SENP2: variants seen among roughly 807,000 people sequenced by gnomAD.
The protein encoded by SENP2 is sentrin-specific protease 2.
SENP2 carries 16 observed loss-of-function variants against 86.3 expected under a neutral mutation model. The ratio of observed to expected loss-of-function variants is 0.19; its 90% CI spans 0.13 to 0.28. The LOEUF is 0.28. SENP2 is among the 10% of genes least tolerant of loss of function. SENP2 has a pLI of 1.00. For synonymous variants in SENP2, 222 were observed against 238.7 expected (o/e 0.93, Z 0.64); for missense variants, 552 against 703.0 (o/e 0.79, Z 2.43).
At chr3:185,606,847 G>C in intron 6 of SENP2, 1 of 494,552 alleles carries the variant, frequency 2.0e-6, no homozygotes, top group East Asian at 5.2e-5. Flanking sequence ...AAGTATTGAA[G>C]GCACAGACAC....
At chr3:185,596,645 T>G (rs1006513283) in intron 2 of SENP2, among the ~76,000 whole-genome samples, 1 of 152,004 alleles carries the variant, frequency 6.6e-6, no homozygotes, top group African/African-American at 2.4e-5. Flanking sequence ...AGCTGCATAT[T>G]TTATACTTTA....
In SENP2 at chr3:185,631,800, T is replaced by C. The variant is rs549628740; in HGVS notation, c.*1956T>C. Reference sequence around the variant, plus strand: ...GGTACCATGGTTAAGATCGAGTCCATGCTAGGTAAGTCCTGTTAGGAATGT... The same window carrying C: ...GGTACCATGGTTAAGATCGAGTCCACGCTAGGTAAGTCCTGTTAGGAATGT... On this transcript the variant is annotated 3_prime_UTR_variant, in exon 17 of 17. Coordinates refer to ENST00000296257, the MANE Select transcript of SENP2 (RefSeq NM_021627.3). 1 of 149,534 alleles carries C rather than the reference T, an allele frequency of 6.7e-6. No individual in the cohort carries two copies. Among genetic ancestry groups the C allele is most frequent in the Admixed American group, 6.7e-5 (1 of 14,864 alleles). The allele number at this position is 149,534 out of a possible 1,614,324, so 9.3% of individuals were successfully genotyped here. A position where few individuals can be genotyped will look rare whatever the true frequency, so the allele number is the denominator to read the frequency against.
Position 185,630,415 on chromosome 3 carries a change from TTTTG to T in SENP2, c.*575_*578del, listed in dbSNP as rs1249554349. The stretch of plus-strand genomic sequence containing the variant: ...ATGAAGCTGGAGGGTTTGGGATTTT[TTTTG>T]TTTTTGTTTTTTTGAGGCTCAAAAA... On this transcript the variant is annotated 3_prime_UTR_variant, in exon 17 of 17. Coordinates refer to ENST00000296257, the MANE Select transcript of SENP2 (RefSeq NM_021627.3). 2 of 152,992 alleles carry T rather than the reference TTTTG, an allele frequency of 1.3e-5. No individual in the cohort carries two copies. The highest frequency in any genetic ancestry group is 2.9e-5 in the Non-Finnish European group (2 of 68,508). The allele number at this position is 152,992 out of a possible 1,614,324, so 9.5% of individuals were successfully genotyped here. A position where few individuals can be genotyped will look rare whatever the true frequency, so the allele number is the denominator to read the frequency against.
At chr3:185,602,930 T>G (rs1489711231) in intron 5 of SENP2, among the ~76,000 whole-genome samples, 15 of 109,262 alleles carry the variant, frequency 1.4e-4, no homozygotes, top group African/African-American at 4.2e-4. Context: ...TTTTTTTTTT[T>G]GGGATGGAGT....
chr3:185,626,456 G>A, intron 16 of SENP2, 63 bp downstream of exon 16: 1 of 1,102,248 alleles, frequency 9.1e-7, no homozygotes, highest in East Asian at 2.4e-5. Flanking sequence ...CTTGGCCAGT[G>A]CCTGGCACAC....
intron 16 of SENP2, among the ~76,000 whole-genome samples, chr3:185,627,083 CAAAAA>C (rs34406883): frequency 2.0e-4 from 15 of 75,546 alleles, no homozygotes; most frequent in African/African-American, 6.2e-4. Flanking sequence ...AACCCTGTCT[CAAAAA>C]AAAAAAAAAA....
chr3:185,624,440 C>A (rs575293308), intron 15 of SENP2, among the ~76,000 whole-genome samples: 4 of 152,134 alleles, frequency 2.6e-5, no homozygotes, highest in South Asian at 2.1e-4. Context: ...ATGTCTCTCA[C>A]AGAATTGGGA....
chr3:185,615,216 C>T (rs1711552509), intron 11 of SENP2, among the ~76,000 whole-genome samples: 1 of 152,118 alleles, frequency 6.6e-6, no homozygotes, highest in Non-Finnish European at 1.5e-5. Context: ...TCTTGGCTTC[C>T]TCCACAATGT....
chr3:185,613,055 T>A (rs1021352612), intron 9 of SENP2, among the ~76,000 whole-genome samples: 1 of 152,248 alleles, frequency 6.6e-6, no homozygotes, highest in Non-Finnish European at 1.5e-5. Context: ...ACTTGCCTAT[T>A]TTTGTATAGT....
In SENP2 at chr3:185,600,845, C is replaced by T. The variant is rs1486026467; in HGVS notation, c.439C>T (p.Pro147Ser). ...CCGAGATCAGCCACGCAGAGTCCTG[C>T]CTTCCTTTGGGTAAGTGTTAAATTC... Reference protein sequence around the residue: ...VTRDQPRRVLPSFGFTLNSEG... With the variant: ...VTRDQPRRVLSSFGFTLNSEG... Residue 147 changes from proline to serine, a missense_variant, in exon 5 of 17, where the codon CCT becomes TCT. Coordinates refer to ENST00000296257, the MANE Select transcript of SENP2 (RefSeq NM_021627.3). 1 of 1,607,356 alleles carries T rather than the reference C, an allele frequency of 6.2e-7. No homozygotes were observed. The highest frequency in any genetic ancestry group is 8.5e-7 in the Non-Finnish European group (1 of 1,173,948).
In SENP2 at chr3:185,630,964, T is replaced by G. The variant is rs1461889102; in HGVS notation, c.*1120T>G. The stretch of plus-strand genomic sequence containing the variant: ...TGCATATGAAAGTTTGTATTTAACT[T>G]TTTTGTTCATTAAAAACCTTACTGA... On this transcript the variant is annotated 3_prime_UTR_variant, in exon 17 of 17. Transcript: ENST00000296257. 2 of 152,196 alleles carry G rather than the reference T, an allele frequency of 1.3e-5. No homozygotes were observed. Among genetic ancestry groups the G allele is most frequent in the African/African-American group, 4.8e-5 (2 of 41,440 alleles). The allele number at this position is 152,196 out of a possible 1,614,324, so 9.4% of individuals were successfully genotyped here. A position where few individuals can be genotyped will look rare whatever the true frequency, so the allele number is the denominator to read the frequency against.
chr3:185,617,641 A>G (rs1033655914), intron 12 of SENP2, 30 bp downstream of exon 12: 4 of 1,600,822 alleles, frequency 2.5e-6, no homozygotes, highest in East Asian at 2.2e-5. Context: ...CCTTTTGGCT[A>G]TCATTAAGTT....
intron 11 of SENP2, among the ~76,000 whole-genome samples, chr3:185,615,182 T>A (rs978700289): frequency 2.6e-5 from 4 of 152,104 alleles, no homozygotes; most frequent in Non-Finnish European, 5.9e-5. Flanking sequence ...TAGTTAAAAT[T>A]CTTATTTTAA....
intron 5 of SENP2, among the ~76,000 whole-genome samples, 192 bp from the exon 6 acceptor site, chr3:185,606,138 C>T (rs1722502726): frequency 6.6e-6 from 1 of 152,064 alleles, no homozygotes; most frequent in South Asian, 2.1e-4. Context: ...TAGAAACAGA[C>T]ATTCCATAGT....
intron 11 of SENP2, 66 bp from the exon 12 acceptor site, chr3:185,617,414 A>C (rs1711663707): frequency 6.3e-6 from 9 of 1,418,058 alleles, no homozygotes; most frequent in Non-Finnish European, 7.6e-6. Flanking sequence ...TCAGTCTCGG[A>C]GTTTTCAATA....
chr3:185,621,773 C>T, intron 13 of SENP2, 53 bp from the exon 14 acceptor site: 1 of 1,063,660 alleles, frequency 9.4e-7, no homozygotes, highest in Non-Finnish European at 1.4e-6. Context: ...AAGTAAAATT[C>T]TCACTCCTCT....
At chr3:185,589,475 C>A (rs1019694197) in intron 1 of SENP2, among the ~76,000 whole-genome samples, 1 of 152,110 alleles carries the variant, frequency 6.6e-6, no homozygotes, top group Non-Finnish European at 1.5e-5. Context: ...AAATACTGTC[C>A]TAAACTCTTA....
At chr3:185,623,921 AG>A (rs1712015295) in intron 14 of SENP2, 76 bp from the exon 15 acceptor site, 3 of 722,540 alleles carry the variant, frequency 4.2e-6, no homozygotes, top group Non-Finnish European at 6.8e-6. Flanking sequence ...GTTTAACATC[AG>A]AAAGCCCTAT....
intron 13 of SENP2, among the ~76,000 whole-genome samples, chr3:185,619,728 T>C (rs1711769218): frequency 6.6e-6 from 1 of 151,990 alleles, no homozygotes; most frequent in African/African-American, 2.4e-5. Flanking sequence ...TATTTTATTT[T>C]ACTATTTTTT....
Sources: allele counts gnomAD v4.1 joint callset (sites outside exome capture counted in the v4.1 genomes callset), GRCh38; gene constraint gnomAD v4.1.1; transcripts MANE v1.5; gene names NCBI Gene and HGNC (gene_info 2026-07-23, HGNC 2026-07-21).